MICU1: variants seen among roughly 807,000 people sequenced by gnomAD.
The protein encoded by MICU1 is calcium uptake protein 1, mitochondrial.
A neutral mutation model predicts 56.8 loss-of-function variants in MICU1; 45 were observed. The ratio of observed to expected loss-of-function variants is 0.79; its 90% CI spans 0.62 to 1.02. The LOEUF is 1.02. Ranked by LOEUF, MICU1 falls within the 50% of genes least tolerant of loss-of-function variation. The probability of loss-of-function intolerance (pLI) is 0.00; values close to 1 mark genes in which losing one functional copy is unlikely to be tolerated. For synonymous variants in MICU1, 186 were observed against 195.1 expected (o/e 0.95, Z 0.39); for missense variants, 504 against 587.1 (o/e 0.86, Z 1.46).
intron 8 of MICU1, among the ~76,000 whole-genome samples, chr10:72,425,624 G>T (rs375912563): frequency 6.6e-6 from 1 of 152,058 alleles, no homozygotes; most frequent in Admixed American, 6.6e-5. Context: ...TGTCCAAGTC[G>T]TATGGCCACT....
intron 10 of MICU1, among the ~76,000 whole-genome samples, chr10:72,396,685 G>A (rs1204331408): frequency 1.3e-5 from 2 of 152,210 alleles, no homozygotes; most frequent in Non-Finnish European, 2.9e-5. Context: ...AAGGGTATCA[G>A]TGATTGAAGA....
chr10:72,561,432 C>T (rs1418784348), intron 3 of MICU1, among the ~76,000 whole-genome samples: 1 of 152,180 alleles, frequency 6.6e-6, no homozygotes, highest in Admixed American at 6.5e-5. Context: ...AAAACAAGGA[C>T]ACTTGATAAT....
chr10:72,607,961 G>A (rs1310677074), intron 1 of MICU1, among the ~76,000 whole-genome samples: 1 of 152,222 alleles, frequency 6.6e-6, no homozygotes, highest in Non-Finnish European at 1.5e-5. Flanking sequence ...CACATCTGGT[G>A]TAGGCAGTGA....
intron 10 of MICU1, among the ~76,000 whole-genome samples, chr10:72,393,637 C>A (rs554278616): frequency 1.3e-5 from 2 of 152,180 alleles, no homozygotes; most frequent in South Asian, 2.1e-4. Context: ...AGTAAAGAGG[C>A]GAGGGCTGTG....
At chr10:72,511,040 T>C (rs1478209197) in intron 5 of MICU1, among the ~76,000 whole-genome samples, 2 of 152,242 alleles carry the variant, frequency 1.3e-5, no homozygotes, top group African/African-American at 4.8e-5. Context: ...CATTTAGTTG[T>C]CATGTCTCTT....
chr10:72,485,593 A>G (rs759494175), intron 6 of MICU1, among the ~76,000 whole-genome samples: 5 of 151,958 alleles, frequency 3.3e-5, no homozygotes, highest in African/African-American at 4.8e-5. Context: ...GAGTATGTCC[A>G]GGGTCATAGA....
At position 72,414,823 on chromosome 10, in the gene MICU1, G is replaced by A. The variant is rs184722419; in HGVS notation, c.1072-6786C>T. ...ATCTAATGCTGACAGGCCATGATGA[G>A]TGCAAACACTGTAATGGATGATTCC... On this transcript the variant is annotated intron_variant, in intron 9 of 11. Coordinates refer to ENST00000361114, the MANE Select transcript of MICU1 (RefSeq NM_001195518.2). 1.4e-4 allele frequency among the ~76,000 whole-genome samples: 21 copies of A among 152,248 alleles called. 1 individual carries two copies. The highest frequency in any genetic ancestry group is 5.1e-4 in the African/African-American group (21 of 41,554).
At chr10:72,410,369 C>T (rs1015132784) in intron 9 of MICU1, among the ~76,000 whole-genome samples, 1 of 152,202 alleles carries the variant, frequency 6.6e-6, no homozygotes, top group Non-Finnish European at 1.5e-5. Flanking sequence ...GTAATCCCAG[C>T]ACTTTGGGTG....
At chr10:72,444,192 AG>A (rs1865030412) in intron 8 of MICU1, among the ~76,000 whole-genome samples, 1 of 113,370 alleles carries the variant, frequency 8.8e-6, no homozygotes, top group South Asian at 3.0e-4. Context: ...TGGACACAGG[AG>A]GGGGAACATC....
intron 5 of MICU1, among the ~76,000 whole-genome samples, chr10:72,519,945 C>A (rs74148016): frequency 0.093 from 14,117 of 152,112 alleles, 2,176 homozygotes; most frequent in African/African-American, 0.32. Flanking sequence ...CACAGCTTTA[C>A]TATTTAAATT....
intron 5 of MICU1, among the ~76,000 whole-genome samples, chr10:72,519,488 T>C (rs1165987733): frequency 6.6e-6 from 1 of 152,212 alleles, no homozygotes; most frequent in Non-Finnish European, 1.5e-5. Context: ...ACTACACATG[T>C]GTAACTGTTA....
intron 6 of MICU1, among the ~76,000 whole-genome samples, chr10:72,505,404 G>T (rs568560559): frequency 6.6e-6 from 1 of 152,266 alleles, no homozygotes; most frequent in East Asian, 1.9e-4. Flanking sequence ...CCAGTTTGAC[G>T]ATTTCTCTAA....
rs112949744 is a variant in MICU1 at position 72,541,164 on chromosome 10, G to A, written c.494-7375C>T. Reference sequence around the variant, plus strand: ...CTTACTCATTCCCGGGCAAGAGCCCGGGAATTGGAGGAATTTAGACTATAG... The same window carrying A: ...CTTACTCATTCCCGGGCAAGAGCCCAGGAATTGGAGGAATTTAGACTATAG... On this transcript the variant is annotated intron_variant, in intron 4 of 11. Transcript: ENST00000361114. 4.5e-3 allele frequency among the ~76,000 whole-genome samples: 692 copies of A among 152,308 alleles called. 2 individuals carry two copies. Among genetic ancestry groups the A allele is most frequent in the African/African-American group, 0.016 (659 of 41,558 alleles).
chr10:72,401,758 G>A (rs556223706), intron 10 of MICU1, among the ~76,000 whole-genome samples: 5 of 152,294 alleles, frequency 3.3e-5, no homozygotes, highest in Admixed American at 2.0e-4. Context: ...AATTTCAAGT[G>A]TACGATAGGA....
rs539865931 is a variant in MICU1, at chr10:72,506,590, G to C, written c.652+1565C>G. Among the ~76,000 whole-genome samples, 11 of 152,192 alleles carry C rather than the reference G, an allele frequency of 7.2e-5. 1 individual carries two copies. The South Asian group carries it at 2.3e-3, about 31-fold the overall frequency. Reference sequence around the variant, plus strand: ...AGACACAAAGTAACATGTTGTGACAGAATAAAAAAATAAAAACCAAGACAG... The same window carrying C: ...AGACACAAAGTAACATGTTGTGACACAATAAAAAAATAAAAACCAAGACAG... On this transcript the variant is annotated intron_variant, in intron 6 of 11. Coordinates refer to ENST00000361114, the MANE Select transcript of MICU1 (RefSeq NM_001195518.2).
chr10:72,377,962 T>C (rs2132040871), intron 10 of MICU1, among the ~76,000 whole-genome samples: 1 of 152,250 alleles, frequency 6.6e-6, no homozygotes, highest in East Asian at 1.9e-4. Context: ...CAAATTGTAA[T>C]TCCCAGGCCA....
intron 8 of MICU1, among the ~76,000 whole-genome samples, chr10:72,467,124 G>A (rs1019119481): frequency 6.6e-6 from 1 of 151,712 alleles, no homozygotes; most frequent in Non-Finnish European, 1.5e-5. Context: ...TCAGCCTCCC[G>A]AGTAGCTGGG....
At chr10:72,409,779 T>C (rs1863746925) in intron 9 of MICU1, among the ~76,000 whole-genome samples, 1 of 152,182 alleles carries the variant, frequency 6.6e-6, no homozygotes. Flanking sequence ...CTTAAAAAAC[T>C]TTATTGTGGA....
In MICU1 at chr10:72,475,191, T is replaced by C. The variant is rs779133962; in HGVS notation, c.842A>G (p.Tyr281Cys). The C allele has an allele frequency of 1.2e-6, 2 of 1,611,160 alleles. No homozygotes were observed. The highest frequency in any genetic ancestry group is 1.1e-5 in the South Asian group (1 of 90,336). Residue 281 changes from tyrosine to cysteine, a missense_variant, in exon 8 of 12, where the codon TAC becomes TGC. Coordinates refer to ENST00000361114, the MANE Select transcript of MICU1 (RefSeq NM_001195518.2). ...TCCCTTCAGATCAGCTCCAAAAAAG[T>C]AGGTTGTGAGGGCTGAACACAAGCC... Reference protein sequence around the residue: ...KSGLCSALTTYFFGADLKGKL... With the variant: ...KSGLCSALTTCFFGADLKGKL...
Sources: allele counts gnomAD v4.1 joint callset (sites outside exome capture counted in the v4.1 genomes callset), GRCh38; gene constraint gnomAD v4.1.1; transcripts MANE v1.5; gene names NCBI Gene and HGNC (gene_info 2026-07-23, HGNC 2026-07-21).